FBXL17: variants seen among roughly 807,000 people sequenced by gnomAD.
The protein encoded by FBXL17 is F-box/LRR-repeat protein 17.
Under a neutral mutation model 66.2 loss-of-function variants are expected in FBXL17, and 22 were observed. The ratio of observed to expected loss-of-function variants is 0.33; its 90% CI spans 0.24 to 0.47. The LOEUF is 0.47. Ranked by LOEUF, FBXL17 falls within the 20% of genes least tolerant of loss-of-function variation. FBXL17 has a pLI of 1.00. For synonymous variants in FBXL17, 474 were observed against 400.5 expected (o/e 1.18, Z -2.19); for missense variants, 878 against 948.2 (o/e 0.93, Z 0.97).
chr5:108,288,796 G>A lies in FBXL17; in HGVS notation c.1506+59603C>T, dbSNP rs1004045620. 2.6e-5 allele frequency among the ~76,000 whole-genome samples: 4 copies of A among 152,092 alleles called. No homozygotes were observed. In the South Asian group the frequency reaches 8.3e-4, roughly 32 times the overall value. On this transcript the variant is annotated intron_variant, in intron 4 of 8. Coordinates refer to ENST00000542267, the MANE Select transcript of FBXL17 (RefSeq NM_001163315.3). ...AGTTGAAAACAGCTGTCTCTGTGGA[G>A]AAGACTAAAAATGGAGAGAGAGGTA...
At chr5:108,207,309 C>T (rs1259416885) in intron 5 of FBXL17, among the ~76,000 whole-genome samples, 1 of 151,946 alleles carries the variant, frequency 6.6e-6, no homozygotes, top group Non-Finnish European at 1.5e-5. Flanking sequence ...TCTAAATTCT[C>T]ACCAACAATT....
chr5:108,281,438 T>C (rs1053647027), intron 4 of FBXL17, among the ~76,000 whole-genome samples: 3 of 151,874 alleles, frequency 2.0e-5, no homozygotes, highest in Non-Finnish European at 4.4e-5. Context: ...GAATGAACAC[T>C]GGGTCAATGA....
At chr5:108,061,889 A>AGCCAAGGGAAATACT (rs1747938683) in intron 6 of FBXL17, among the ~76,000 whole-genome samples, 1 of 151,760 alleles carries the variant, frequency 6.6e-6, no homozygotes, top group South Asian at 2.1e-4. Flanking sequence ...AAAAAAAAAA[A>AGCCAAGGGAAATACT]GCCAAGGGAA....
At chr5:108,085,389 C>T (rs747654827) in intron 6 of FBXL17, among the ~76,000 whole-genome samples, 1 of 152,212 alleles carries the variant, frequency 6.6e-6, no homozygotes, top group Non-Finnish European at 1.5e-5. Context: ...CCTCCCCTCC[C>T]TATGCAACAG....
intron 6 of FBXL17, among the ~76,000 whole-genome samples, chr5:108,073,480 C>T (rs1486159638): frequency 6.6e-6 from 1 of 151,648 alleles, no homozygotes; most frequent in African/African-American, 2.4e-5. Flanking sequence ...AAGTAAAAAA[C>T]CATAAAAAAT....
chr5:108,374,803 A>T (rs1238295155), intron 1 of FBXL17, among the ~76,000 whole-genome samples: 9 of 152,224 alleles, frequency 5.9e-5, no homozygotes, highest in Admixed American at 3.3e-4. Context: ...AGAAGAACTC[A>T]TAAAGAAAAC....
In FBXL17 at chr5:108,229,135, G is replaced by A. The variant is rs531810310; in HGVS notation, c.1507-4907C>T. ...CAAAATTAATTCTACTCATCTATGA[G>A]CATGGGATGTGCTTCCATTTAATTC... On this transcript the variant is annotated intron_variant, in intron 4 of 8. Coordinates refer to ENST00000542267, the MANE Select transcript of FBXL17 (RefSeq NM_001163315.3). 2.0e-5 allele frequency among the ~76,000 whole-genome samples: 3 copies of A among 152,134 alleles called. No homozygotes were observed. In the East Asian group the frequency reaches 5.8e-4, roughly 29 times the overall value.
At chr5:107,897,505 A>AC (rs927292479) in intron 7 of FBXL17, among the ~76,000 whole-genome samples, 5 of 152,256 alleles carry the variant, frequency 3.3e-5, no homozygotes, top group Non-Finnish European at 7.4e-5. Context: ...GTCGAGAAGC[A>AC]CCTTGCCAGG....
intron 7 of FBXL17, among the ~76,000 whole-genome samples, chr5:107,939,043 A>G (rs1751005287): frequency 6.6e-6 from 1 of 152,170 alleles, no homozygotes; most frequent in African/African-American, 2.4e-5. Flanking sequence ...ATTTTAGCGC[A>G]TCGTCCAAAC....
chr5:108,241,959 C>A (rs1221360365), intron 4 of FBXL17, among the ~76,000 whole-genome samples: 1 of 152,036 alleles, frequency 6.6e-6, no homozygotes, highest in East Asian at 1.9e-4. Context: ...AAGACTTTCC[C>A]AGACCGACAA....
At chr5:108,241,730 TAAAG>T (rs2150101315) in intron 4 of FBXL17, among the ~76,000 whole-genome samples, 1 of 151,650 alleles carries the variant, frequency 6.6e-6, no homozygotes, top group African/African-American at 2.4e-5. Context: ...TGGTCAAAGA[TAAAG>T]AAAGGCTCCG....
intron 4 of FBXL17, chr5:108,297,735 TA>T: frequency 1.7e-6 from 1 of 587,120 alleles, no homozygotes; most frequent in East Asian, 1.4e-4. Flanking sequence ...AACTCAGAAA[TA>T]AACTTCAAAA....
At chr5:107,999,103 C>A (rs1336585869) in intron 7 of FBXL17, among the ~76,000 whole-genome samples, 1 of 152,132 alleles carries the variant, frequency 6.6e-6, no homozygotes, top group Non-Finnish European at 1.5e-5. Context: ...CTATACTTTC[C>A]AGGTATCTGG....
At chr5:107,983,440 C>T (rs1277272657) in intron 7 of FBXL17, among the ~76,000 whole-genome samples, 1 of 151,954 alleles carries the variant, frequency 6.6e-6, no homozygotes, top group Non-Finnish European at 1.5e-5. Flanking sequence ...GTGATCCTCC[C>T]ATCTCAGCCT....
chr5:108,215,070 C>T (rs1312736585), intron 5 of FBXL17, among the ~76,000 whole-genome samples: 1 of 152,122 alleles, frequency 6.6e-6, no homozygotes, highest in Non-Finnish European at 1.5e-5. Flanking sequence ...GAATAATATT[C>T]CTCTGTATGA....
intron 3 of FBXL17, among the ~76,000 whole-genome samples, chr5:108,356,380 AG>A (rs1747989088): frequency 6.6e-6 from 1 of 152,214 alleles, no homozygotes; most frequent in African/African-American, 2.4e-5. Flanking sequence ...ACCTACACAC[AG>A]AAGTTTATAG....
chr5:108,323,371 A>T (rs2150223167), intron 4 of FBXL17, among the ~76,000 whole-genome samples: 1 of 152,134 alleles, frequency 6.6e-6, no homozygotes, highest in African/African-American at 2.4e-5. Context: ...CAAAAGGGGT[A>T]AAATTCTTAG....
intron 4 of FBXL17, among the ~76,000 whole-genome samples, chr5:108,287,599 T>TA (rs996612125): frequency 1.3e-4 from 19 of 150,752 alleles, no homozygotes; most frequent in South Asian, 2.1e-4. Flanking sequence ...GACTATTATT[T>TA]AAAAAAAAAT....
At chr5:108,055,595 C>T (rs1747673047) in intron 6 of FBXL17, among the ~76,000 whole-genome samples, 2 of 110,760 alleles carry the variant, frequency 1.8e-5, no homozygotes, top group South Asian at 3.3e-4. Flanking sequence ...GGCGACACAG[C>T]GAGACTCTGT....
Sources: allele counts gnomAD v4.1 joint callset (sites outside exome capture counted in the v4.1 genomes callset), GRCh38; gene constraint gnomAD v4.1.1; transcripts MANE v1.5; gene names NCBI Gene and HGNC (gene_info 2026-07-23, HGNC 2026-07-21).